The following ANK2 variants were observed in gnomAD, a reference collection of about 807,000 sequenced individuals.
ANK2 encodes the protein ankyrin 2.
In ANK2, 83 loss-of-function variants were observed where a neutral mutation model predicts 360.5. The observed-to-expected ratio is 0.23, with a 90% CI of 0.19 to 0.28. The LOEUF is 0.28. Ranked by LOEUF, ANK2 falls within the 10% of genes least tolerant of loss-of-function variation. The pLI is 1.00. For missense variants in ANK2, 4,201 were observed against 4,795.7 expected (o/e 0.88, Z 3.66); for synonymous variants, 1,740 against 1,759.5 (o/e 0.99, Z 0.28).
intron 2 of ANK2, among the ~76,000 whole-genome samples, chr4:112,922,930 T>C (rs2091868312): frequency 6.6e-6 from 1 of 152,178 alleles, no homozygotes; most frequent in South Asian, 2.1e-4. Flanking sequence ...GATAAGTTGT[T>C]TTTACTGTGT....
At chr4:113,055,786 C>T (rs913617011) in intron 1 of ANK2, among the ~76,000 whole-genome samples, 7 of 152,120 alleles carry the variant, frequency 4.6e-5, no homozygotes, top group African/African-American at 1.7e-4. Context: ...TACTGTTCAA[C>T]TAATAACATA....
chr4:112,953,411 CCA>C (rs1395090398), intron 2 of ANK2, among the ~76,000 whole-genome samples: 2 of 152,216 alleles, frequency 1.3e-5, no homozygotes, highest in Non-Finnish European at 2.9e-5. Flanking sequence ...GATGCACAGG[CCA>C]GAGTCTCTTA....
At chr4:112,960,977 T>A (rs976912044) in intron 2 of ANK2, among the ~76,000 whole-genome samples, 1 of 152,152 alleles carries the variant, frequency 6.6e-6, no homozygotes, top group Non-Finnish European at 1.5e-5. Context: ...CAGTACTCAA[T>A]TTCCATGTCA....
intron 2 of ANK2, among the ~76,000 whole-genome samples, chr4:113,001,986 A>G (rs2154287067): frequency 6.6e-6 from 1 of 151,536 alleles, no homozygotes; most frequent in Middle Eastern, 3.4e-3. Flanking sequence ...CCTCCTAAGC[A>G]TTGCTCATCC....
chr4:113,302,988 T>A, intron 23 of ANK2, 149 bp downstream of exon 23: 1 of 755,866 alleles, frequency 1.3e-6, no homozygotes, highest in Non-Finnish European at 2.3e-6. Flanking sequence ...ATACATTTAC[T>A]TTTGCCATGG....
intron 10 of ANK2, among the ~76,000 whole-genome samples, chr4:113,251,475 CTTTTTT>C (rs1167630240): frequency 3.4e-5 from 3 of 88,098 alleles, no homozygotes; most frequent in African/African-American, 1.4e-4. Flanking sequence ...AATACAAAAT[CTTTTTT>C]TTTTTTTTTT....
intron 1 of ANK2, among the ~76,000 whole-genome samples, chr4:113,101,298 T>G (rs1219899925): frequency 1.3e-5 from 2 of 152,126 alleles, no homozygotes; most frequent in African/African-American, 4.8e-5. Flanking sequence ...ATTTGATATT[T>G]CTCCCTACAC....
chr4:112,997,714 G>A (rs1363571841), intron 2 of ANK2, among the ~76,000 whole-genome samples: 5 of 151,536 alleles, frequency 3.3e-5, no homozygotes, highest in Admixed American at 3.3e-4. Context: ...AGTAAAAATT[G>A]TATGTGGTAT....
the ANK2 span, among the ~76,000 whole-genome samples, chr4:112,754,148 T>TATATATATATATAA: frequency 1.7e-5 from 2 of 119,718 alleles, no homozygotes; most frequent in African/African-American, 6.2e-5. Flanking sequence ...TATATATATA[T>TATATATATATATAA]AAAATTGCAT....
intron 4 of ANK2, among the ~76,000 whole-genome samples, chr4:113,227,074 T>C (rs1402960285): frequency 1.3e-5 from 2 of 152,226 alleles, no homozygotes; most frequent in Non-Finnish European, 2.9e-5. Flanking sequence ...ATAAATGCTT[T>C]CCTATAAAGT....
At chr4:112,842,386 A>T (rs1357680115) in intron 1 of ANK2, among the ~76,000 whole-genome samples, 1 of 152,234 alleles carries the variant, frequency 6.6e-6, no homozygotes, top group African/African-American at 2.4e-5. Flanking sequence ...CAATAGTTTA[A>T]ATCTCTGAAA....
At chr4:112,848,967 G>T (rs551824288) in intron 1 of ANK2, among the ~76,000 whole-genome samples, 4 of 152,204 alleles carry the variant, frequency 2.6e-5, no homozygotes, top group Non-Finnish European at 5.9e-5. Flanking sequence ...CAACTGCTGG[G>T]CTGTGAAACA....
chr4:112,966,755 TA>T (rs2037440056), intron 2 of ANK2, among the ~76,000 whole-genome samples: 4 of 152,200 alleles, frequency 2.6e-5, no homozygotes, highest in Admixed American at 2.6e-4. Flanking sequence ...TAAAACCTAT[TA>T]GGAAGTTGTT....
intron 43 of ANK2, 31 bp from the exon 44 acceptor site, chr4:113,373,059 C>A: frequency 6.3e-7 from 1 of 1,585,182 alleles, no homozygotes; most frequent in Non-Finnish European, 8.7e-7. Context: ...GTGCCAAACA[C>A]CACAGTGACC....
At chr4:113,000,866 A>T (rs570488681) in intron 2 of ANK2, among the ~76,000 whole-genome samples, 1 of 150,358 alleles carries the variant, frequency 6.7e-6, no homozygotes, top group South Asian at 2.2e-4. Context: ...AACCATCATC[A>T]CTGGGAAGGA....
intron 1 of ANK2, among the ~76,000 whole-genome samples, chr4:113,170,952 A>T (rs1362028729): frequency 6.6e-6 from 1 of 152,156 alleles, no homozygotes; most frequent in African/African-American, 2.4e-5. Flanking sequence ...GCATCAGCAC[A>T]ATTTGTTTTA....
rs1216746817 is a variant in ANK2, at chr4:113,237,167, T to C, written c.664T>C (p.Ser222Pro). The change falls in exon 6 of 46, where the codon TCC becomes CCC. Residue 222 changes from serine to proline, a missense_variant. Ser to Pro is a moderately conservative substitution (Grantham distance 74). Transcript: ENST00000357077. Reference sequence around the variant, plus strand: ...GAATGACCACAATGCTGACGTACAATCCAAGGTACTTAAAGCTGAACACAT... The same window carrying C: ...GAATGACCACAATGCTGACGTACAACCCAAGGTACTTAAAGCTGAACACAT... ...LQNDHNADVQ[S>P]KMMVNRTTES... 1.2e-6 allele frequency: 2 copies of C among 1,613,580 alleles called. No individual in the cohort carries two copies. The highest frequency in any genetic ancestry group is 1.7e-5 in the Admixed American group (1 of 60,002).
At chr4:112,857,258 A>T (rs528885087) in intron 1 of ANK2, among the ~76,000 whole-genome samples, 1 of 152,320 alleles carries the variant, frequency 6.6e-6, no homozygotes, top group African/African-American at 2.4e-5. Flanking sequence ...AACAATAGCC[A>T]TGTGGATGAA....
At chr4:113,055,241 A>C (rs1308944722) in intron 1 of ANK2, among the ~76,000 whole-genome samples, 1 of 152,160 alleles carries the variant, frequency 6.6e-6, no homozygotes, top group Non-Finnish European at 1.5e-5. Context: ...AAAATAAATA[A>C]AAATAAAAAA....
Sources: gnomAD v4.1 joint callset for allele counts (sites outside exome capture counted in the v4.1 genomes callset) on GRCh38, gnomAD v4.1.1 for gene constraint, MANE v1.5 for transcripts, NCBI Gene and HGNC (gene_info 2026-07-23, HGNC 2026-07-21) for gene names.